The following PIAS4 variants were observed in gnomAD, a reference collection of about 807,000 sequenced individuals.
PIAS4 encodes protein inhibitor of activated STAT 4.
PIAS4 carries 7 observed loss-of-function variants against 58.0 expected under a neutral mutation model. The observed-to-expected ratio is 0.12, with a 90% confidence interval of 0.07 to 0.23. The LOEUF is 0.23. Among genes scored for constraint, PIAS4 ranks in the 10% least tolerant of loss-of-function variants. PIAS4 has a pLI of 1.00. For synonymous variants in PIAS4, 364 were observed against 312.4 expected (o/e 1.17, Z -1.74); for missense variants, 550 against 709.5 (o/e 0.78, Z 2.55).
In PIAS4 at chr19:4,039,181, G is replaced by A. The variant is rs1169188645; in HGVS notation, c.*1306G>A. The A allele has an allele frequency of 2.0e-5, 3 of 152,260 alleles. No individual in the cohort carries two copies. Among genetic ancestry groups the A allele is most frequent in the Non-Finnish European group, 4.4e-5 (3 of 68,068 alleles). The allele number at this position is 152,260 out of a possible 1,614,324, so 9.4% of individuals were successfully genotyped here. ...TTCCTTTGTATAAACAGAACTCCTA[G>A]TCAGGAAGCAATATCATTTCAGGTC... is the stretch of plus-strand genomic sequence containing the variant. On this transcript the variant is annotated 3_prime_UTR_variant, in exon 11 of 11. Coordinates refer to ENST00000262971, the MANE Select transcript of PIAS4 (RefSeq NM_015897.4).
Position 4,013,435 on chromosome 19 carries a change from G to A in PIAS4, c.454+86G>A, listed in dbSNP as rs549712225. ...CCAGCCCAGCCACACAGCCGACTTC[G>A]AGTGATGTTCTCTGTGGCGCAGCCA... On this transcript the variant is annotated intron_variant, in intron 2 of 10. Transcript: ENST00000262971. This position sits in a 1 kb window ranked among gnomAD's most constrained non-coding sequence, Gnocchi z 5.1. The A allele has an allele frequency of 8.9e-6, 11 of 1,237,352 alleles. No individual in the cohort carries two copies. Among genetic ancestry groups the A allele is most frequent in the South Asian group, 5.4e-5 (4 of 73,664 alleles). 76.6% of individuals were successfully genotyped at this position (1,237,352 alleles called of 1,614,324 possible). A position where few individuals can be genotyped will look rare whatever the true frequency, so the allele number is the denominator to read the frequency against.
intron 3 of PIAS4, among the ~76,000 whole-genome samples, chr19:4,026,798 C>G (rs2040169373): frequency 6.6e-6 from 1 of 151,866 alleles, no homozygotes; most frequent in South Asian, 2.1e-4. Context: ...TTCTCTTGCC[C>G]CAGACTTCTG....
Position 4,028,921 on chromosome 19 carries a change from C to G in PIAS4, c.802-10C>G, listed in dbSNP as rs750402017. 1 of 1,607,554 alleles carries G rather than the reference C, an allele frequency of 6.2e-7. No homozygotes were observed. Among genetic ancestry groups the G allele is most frequent in the Non-Finnish European group, 8.5e-7 (1 of 1,175,890 alleles). Reference sequence around the variant, plus strand: ...TCCTGCCAGCCCTGACCCCTTCCTTCTGTCCCCAGAGCTACTCGGTGGCCC... The same window carrying G: ...TCCTGCCAGCCCTGACCCCTTCCTTGTGTCCCCAGAGCTACTCGGTGGCCC... On this transcript the variant is annotated splice_polypyrimidine_tract_variant and intron_variant, in intron 6 of 10. Coordinates refer to ENST00000262971, the MANE Select transcript of PIAS4 (RefSeq NM_015897.4).
chr19:4,035,298 G>T, intron 9 of PIAS4, among the ~76,000 whole-genome samples: 1 of 152,108 alleles, frequency 6.6e-6, no homozygotes, highest in Non-Finnish European at 1.5e-5. Context: ...GGCCAGCCTG[G>T]GCCCTGCATG....
chr19:4,027,411 G>A (rs1009150350), intron 3 of PIAS4, among the ~76,000 whole-genome samples: 2 of 152,162 alleles, frequency 1.3e-5, no homozygotes, highest in Admixed American at 6.5e-5. Flanking sequence ...TTGGTCCTTC[G>A]GTCTACGGAA....
intron 9 of PIAS4, among the ~76,000 whole-genome samples, chr19:4,035,296 T>C (rs1180850979): frequency 6.6e-6 from 1 of 152,092 alleles, no homozygotes; most frequent in African/African-American, 2.4e-5. Context: ...CAGGCCAGCC[T>C]GGGCCCTGCA....
intron 9 of PIAS4, among the ~76,000 whole-genome samples, chr19:4,035,959 A>ACATCTATACAGTCCACACCATCACACATC (rs752330032): frequency 1.5e-3 from 12 of 7,910 alleles, no homozygotes; most frequent in South Asian, 9.9e-3. Flanking sequence ...CATAACACAC[A>ACATCTATACAGTCCACACCATCACACATC]CATACAGTCC....
At chr19:4,022,171 T>A (rs2040116186) in intron 2 of PIAS4, among the ~76,000 whole-genome samples, 1 of 152,240 alleles carries the variant, frequency 6.6e-6, no homozygotes, top group Non-Finnish European at 1.5e-5. Flanking sequence ...TGGGAGGATT[T>A]GTCCATGTCA....
chr19:4,025,144 C>T (rs2040150029), intron 3 of PIAS4, among the ~76,000 whole-genome samples: 1 of 152,216 alleles, frequency 6.6e-6, no homozygotes, highest in Non-Finnish European at 1.5e-5. Flanking sequence ...GGATGGTTCC[C>T]TCGGTGGGGC....
chr19:4,014,783 C>T (rs1292276313), intron 2 of PIAS4, among the ~76,000 whole-genome samples: 1 of 152,240 alleles, frequency 6.6e-6, no homozygotes, highest in African/African-American at 2.4e-5. Flanking sequence ...TGCCAGCTGG[C>T]CCCCGCTCCC....
chr19:4,013,286 G>T lies in PIAS4; in HGVS notation c.391G>T (p.Val131Phe). 1 of 1,613,282 alleles carries T rather than the reference G, an allele frequency of 6.2e-7. No homozygotes were observed. The highest frequency in any genetic ancestry group is 8.5e-7 in the Non-Finnish European group (1 of 1,180,018). Reference protein sequence around the residue: ...RLPAKTLKPEVRLVKLPFFNM... With the variant: ...RLPAKTLKPEFRLVKLPFFNM... ...GCCCGCCAAGACCCTCAAGCCAGAAGTCCGCCTGGTGAAGCTGCCGTTCTT... is the reference window on the plus strand; with the variant it reads ...GCCCGCCAAGACCCTCAAGCCAGAATTCCGCCTGGTGAAGCTGCCGTTCTT... The change falls in exon 2 of 11, where the codon GTC (valine) becomes TTC (phenylalanine). Residue 131 changes from valine to phenylalanine, a missense_variant. Coordinates refer to ENST00000262971, the MANE Select transcript of PIAS4 (RefSeq NM_015897.4). The surrounding 1 kb of genome is among the most constrained non-coding windows in gnomAD (Gnocchi z 5.1).
chr19:4,012,879 C>T (rs369434789), intron 1 of PIAS4, 44 bp from the exon 2 acceptor site: 195 of 1,561,078 alleles, frequency 1.2e-4, no homozygotes, highest in Non-Finnish European at 1.6e-4. Flanking sequence ...TCCCCTGCCT[C>T]GCAGCTGTGT....
In PIAS4 at chr19:4,036,103, AAC is replaced by A. The variant is rs1205615792; in HGVS notation, c.1143-1261_1143-1260del. On this transcript the variant is annotated intron_variant, in intron 9 of 10. Coordinates refer to ENST00000262971, the MANE Select transcript of PIAS4 (RefSeq NM_015897.4). The stretch of plus-strand genomic sequence containing the variant: ...TCCGTACAGTCCACACCGTCATACA[AAC>A]ACACACACATCTATACAGTCCACAC... 6.0e-3 allele frequency among the ~76,000 whole-genome samples: 111 copies of A among 18,438 alleles called. 8 individuals carry two copies. The highest frequency in any genetic ancestry group is 0.02 in the Admixed American group (20 of 976). 12.1% of individuals were successfully genotyped at this position (18,438 alleles called of 152,430 possible).
chr19:4,029,805 C>A (rs1473394252), intron 7 of PIAS4, among the ~76,000 whole-genome samples: 10 of 144,092 alleles, frequency 6.9e-5, no homozygotes, highest in African/African-American at 2.3e-4. Context: ...CCACCACACC[C>A]AACTAATTTT....
intron 7 of PIAS4, among the ~76,000 whole-genome samples, chr19:4,031,748 C>T (rs1363823759): frequency 6.6e-6 from 1 of 152,204 alleles, no homozygotes; most frequent in Non-Finnish European, 1.5e-5. Flanking sequence ...GCCTCTCTGT[C>T]ACTGGATTTC....
At chr19:4,026,299 A>G (rs1251189633) in intron 3 of PIAS4, among the ~76,000 whole-genome samples, 1 of 145,626 alleles carries the variant, frequency 6.9e-6, no homozygotes, top group Non-Finnish European at 1.5e-5. Flanking sequence ...CGCCTGGCTA[A>G]TTTTTGTATT....
intron 2 of PIAS4, among the ~76,000 whole-genome samples, chr19:4,014,627 A>C (rs1945597131): frequency 6.6e-6 from 1 of 152,148 alleles, no homozygotes; most frequent in Non-Finnish European, 1.5e-5. Flanking sequence ...GATGGGCACC[A>C]GGCGTGGGCA....
chr19:4,028,447 C>G (rs1044607682), intron 4 of PIAS4, 63 bp from the exon 5 acceptor site: 1 of 1,237,630 alleles, frequency 8.1e-7, no homozygotes, highest in African/African-American at 1.5e-5. Context: ...CGTGTACCCC[C>G]GCAGCAGCCT....
intron 1 of PIAS4, among the ~76,000 whole-genome samples, chr19:4,012,269 A>G (rs541844793): frequency 3.9e-4 from 59 of 152,116 alleles, no homozygotes; most frequent in African/African-American, 1.4e-3. Flanking sequence ...CTTCAGAGCC[A>G]GGCCTGGGTT....
Sources: allele counts gnomAD v4.1 joint callset (sites outside exome capture counted in the v4.1 genomes callset), GRCh38; gene constraint gnomAD v4.1.1; non-coding constraint Gnocchi (gnomAD v3.1); transcripts MANE v1.5; gene names NCBI Gene and HGNC (gene_info 2026-07-23, HGNC 2026-07-21).